CSMD1: variants seen among roughly 807,000 people sequenced by gnomAD.
CSMD1 encodes the protein CUB and sushi domain-containing protein 1.
In CSMD1, 213 loss-of-function variants were observed where a neutral mutation model predicts 417.5. The ratio of observed to expected loss-of-function variants is 0.51; its 90% confidence interval spans 0.46 to 0.57. CSMD1 has a LOEUF of 0.57. Among genes scored for constraint, CSMD1 ranks in the 20% least tolerant of loss-of-function variants. The pLI, the probability that CSMD1 is intolerant of heterozygous loss-of-function variation, is 0.00. For synonymous variants in CSMD1, 2,862 were observed against 1,736.8 expected (o/e 1.65, Z -16.11); for missense variants, 6,923 against 4,529.7 (o/e 1.53, Z -15.17).
intron 2 of CSMD1, among the ~76,000 whole-genome samples, chr8:4,431,149 T>C (rs962156329): frequency 1.3e-5 from 2 of 152,076 alleles, no homozygotes; most frequent in African/African-American, 4.8e-5. Context: ...CTCTAAATGA[T>C]TTGCTCAAAG....
chr8:4,862,523 G>A (rs992853907), intron 1 of CSMD1, among the ~76,000 whole-genome samples: 4 of 152,062 alleles, frequency 2.6e-5, no homozygotes, highest in East Asian at 1.9e-4. Flanking sequence ...TGGTTTGGAC[G>A]AAGAAGAGTA....
intron 39 of CSMD1, among the ~76,000 whole-genome samples, chr8:3,155,528 C>A (rs960678854): frequency 6.6e-6 from 1 of 151,512 alleles, no homozygotes; most frequent in South Asian, 2.1e-4. Context: ...CCACCACGCC[C>A]AGCTAATTTT....
intron 37 of CSMD1, among the ~76,000 whole-genome samples, chr8:3,180,562 T>A (rs933250443): frequency 6.6e-6 from 1 of 152,226 alleles, no homozygotes; most frequent in African/African-American, 2.4e-5. Context: ...ATTATAGCAG[T>A]TATATCTAAT....
At chr8:3,603,739 G>T (rs528885388) in intron 8 of CSMD1, among the ~76,000 whole-genome samples, 2 of 152,196 alleles carry the variant, frequency 1.3e-5, no homozygotes, top group African/African-American at 4.8e-5. Flanking sequence ...CCTGATATAT[G>T]GGCTTGATTC....
intron 5 of CSMD1, among the ~76,000 whole-genome samples, chr8:3,881,818 A>G (rs1038663792): frequency 2.6e-5 from 4 of 152,124 alleles, no homozygotes; most frequent in African/African-American, 4.8e-5. Flanking sequence ...GAAGAACAGA[A>G]GTGAGAAGCA....
At chr8:3,765,231 C>T (rs2129057164) in intron 5 of CSMD1, among the ~76,000 whole-genome samples, 1 of 152,318 alleles carries the variant, frequency 6.6e-6, no homozygotes. Flanking sequence ...CGACTGTCTG[C>T]TGTGCTCCTG....
intron 49 of CSMD1, among the ~76,000 whole-genome samples, chr8:3,067,223 A>G (rs1224585939): frequency 2.0e-5 from 3 of 152,176 alleles, no homozygotes; most frequent in Non-Finnish European, 4.4e-5. Context: ...GACAGGAGAT[A>G]CCATGATACT....
chr8:4,009,333 A>G (rs151015550), intron 4 of CSMD1, among the ~76,000 whole-genome samples: 101 of 152,350 alleles, frequency 6.6e-4, no homozygotes, highest in African/African-American at 2.2e-3. Context: ...CTTGCTGGAA[A>G]TCTATCTTAC....
chr8:4,308,918 C>T (rs1419900013), intron 3 of CSMD1, among the ~76,000 whole-genome samples: 1 of 152,092 alleles, frequency 6.6e-6, no homozygotes, highest in Non-Finnish European at 1.5e-5. Flanking sequence ...TATCAAAGGT[C>T]CATTTATTTC....
intron 37 of CSMD1, among the ~76,000 whole-genome samples, chr8:3,175,477 C>CTTCCTTCCTTCTTTTTCCT (rs1820861852): frequency 1.8e-5 from 1 of 55,312 alleles, no homozygotes; most frequent in South Asian, 7.5e-4. Flanking sequence ...CTTCTTTTCC[C>CTTCCTTCCTTCTTTTTCCT]TTCCTTCCTG....
intron 11 of CSMD1, among the ~76,000 whole-genome samples, chr8:3,472,565 A>C (rs1001403177): frequency 6.6e-6 from 1 of 151,296 alleles, no homozygotes; most frequent in Admixed American, 6.6e-5. Flanking sequence ...AAGATGATGA[A>C]GAACTTGCTG....
intron 8 of CSMD1, among the ~76,000 whole-genome samples, chr8:3,608,129 G>T (rs1413324178): frequency 6.7e-6 from 1 of 149,380 alleles, no homozygotes; most frequent in African/African-American, 2.5e-5. Flanking sequence ...AGCCAAGATT[G>T]TGCCACTGCC....
chr8:4,023,534 G>C (rs973543906), intron 4 of CSMD1, among the ~76,000 whole-genome samples: 5 of 151,608 alleles, frequency 3.3e-5, no homozygotes, highest in African/African-American at 4.8e-5. Context: ...GCTCTGTGCT[G>C]AGCAATATTC....
chr8:3,280,798 A>AAT, intron 26 of CSMD1, among the ~76,000 whole-genome samples: 1 of 152,058 alleles, frequency 6.6e-6, no homozygotes, highest in South Asian at 2.1e-4. Context: ...ATAATTAATT[A>AAT]TATGAGAAGA....
chr8:4,933,457 A>G (rs949245810), intron 1 of CSMD1, among the ~76,000 whole-genome samples: 1 of 152,232 alleles, frequency 6.6e-6, no homozygotes, highest in Non-Finnish European at 1.5e-5. Flanking sequence ...TTAATTTCAA[A>G]GCCAACAAGG....
chr8:4,497,359 G>C (rs932997352), intron 2 of CSMD1, among the ~76,000 whole-genome samples: 1 of 152,132 alleles, frequency 6.6e-6, no homozygotes, highest in African/African-American at 2.4e-5. Context: ...CACTGGCCTG[G>C]CACTACAAAA....
chr8:4,176,912 G>C (rs1356218655), intron 3 of CSMD1, among the ~76,000 whole-genome samples: 2 of 149,262 alleles, frequency 1.3e-5, no homozygotes, highest in African/African-American at 5.0e-5. Flanking sequence ...CAATACAGGA[G>C]CACCCAGATT....
In CSMD1 at chr8:4,383,535, G is replaced by A. The variant is rs141684602; in HGVS notation, c.415+36418C>T. On this transcript the variant is annotated intron_variant, in intron 3 of 69. Transcript: ENST00000635120. ...AACAAGCCCTGGCTATTGCAGACAGGTTGTGGTACCAGAAGCATTTATAAA... is the reference window on the plus strand; with the variant it reads ...AACAAGCCCTGGCTATTGCAGACAGATTGTGGTACCAGAAGCATTTATAAA... 2.7e-4 allele frequency among the ~76,000 whole-genome samples: 41 copies of A among 152,268 alleles called. No homozygotes were observed. The East Asian group carries it at 5.2e-3, about 19-fold the overall frequency.
intron 3 of CSMD1, among the ~76,000 whole-genome samples, chr8:4,340,611 G>T (rs536509085): frequency 1.3e-5 from 2 of 152,086 alleles, no homozygotes; most frequent in African/African-American, 4.8e-5. Context: ...CTCTTGCTTG[G>T]CTGCGCCTCC....
Sources: allele counts gnomAD v4.1 joint callset (sites outside exome capture counted in the v4.1 genomes callset), GRCh38; gene constraint gnomAD v4.1.1; transcripts MANE v1.5; gene names NCBI Gene and HGNC (gene_info 2026-07-23, HGNC 2026-07-21).